PRKCB: variants seen among roughly 807,000 people sequenced by gnomAD.
PRKCB encodes the protein protein kinase C beta, also known as protein kinase C beta type.
A neutral mutation model predicts 81.5 loss-of-function variants in PRKCB; 13 were observed. The ratio of observed to expected loss-of-function variants is 0.16; its 90% confidence interval spans 0.10 to 0.25. The LOEUF is 0.25. Among genes scored for constraint, PRKCB ranks in the 10% least tolerant of loss-of-function variants. The pLI is 1.00. For missense variants in PRKCB, 509 were observed against 875.7 expected, an observed-to-expected ratio of 0.58 and a Z score of 5.29; for synonymous variants, 335 against 321.4, an observed-to-expected ratio of 1.04 and a Z score of -0.45.
chr16:23,990,714 A>AT (rs947696195), intron 3 of PRKCB, among the ~76,000 whole-genome samples: 3 of 151,870 alleles, frequency 2.0e-5, no homozygotes, highest in African/African-American at 7.3e-5. Flanking sequence ...CACCTGGCTA[A>AT]TTTTTTATTT....
intron 2 of PRKCB, among the ~76,000 whole-genome samples, chr16:23,958,947 T>C (rs1051701273): frequency 1.3e-5 from 2 of 152,140 alleles, no homozygotes; most frequent in Non-Finnish European, 2.9e-5. Context: ...CAAATCCTGG[T>C]TTTACACTTA....
rs1024340203 is a variant in PRKCB at position 23,976,131 on chromosome 16, A to AC, written c.206-12373dup. Among the ~76,000 whole-genome samples, 36 of 151,856 alleles carry AC rather than the reference A, an allele frequency of 2.4e-4. 2 individuals carry two copies. Among genetic ancestry groups the AC allele is most frequent in the Admixed American group, 6.6e-5 (1 of 15,230 alleles). On this transcript the variant is annotated intron_variant, in intron 2 of 16. Transcript: ENST00000643927. ...AAACCAGCCTGGTCAACCTAGTGAG[A>AC]CCCCATCTCTACAAAAGAAAAAAAA...
At chr16:24,197,642 A>C (rs1414261252) in intron 16 of PRKCB, among the ~76,000 whole-genome samples, 2 of 152,178 alleles carry the variant, frequency 1.3e-5, no homozygotes, top group Non-Finnish European at 2.9e-5. Flanking sequence ...CTGCAGGGAC[A>C]AGGGTGAAAT....
At chr16:24,021,024 CTTTCTTTCTTTCTTT>C (rs1965363619) in intron 3 of PRKCB, among the ~76,000 whole-genome samples, 1 of 140,108 alleles carries the variant, frequency 7.1e-6, no homozygotes, top group Non-Finnish European at 1.5e-5. Context: ...TTCTTTCTTT[CTTTCTTTCTTTCTTT>C]CTCTTTCTTT....
chr16:24,015,788 G>T (rs1367127361), intron 3 of PRKCB, among the ~76,000 whole-genome samples: 1 of 152,180 alleles, frequency 6.6e-6, no homozygotes, highest in Non-Finnish European at 1.5e-5. Flanking sequence ...GACTGACATA[G>T]GGAAGGTACT....
intron 8 of PRKCB, among the ~76,000 whole-genome samples, chr16:24,114,373 T>C (rs1966712955): frequency 6.6e-6 from 1 of 151,746 alleles, no homozygotes; most frequent in Non-Finnish European, 1.5e-5. Context: ...GACAGAATGA[T>C]GCTATATAGT....
chr16:24,210,592 G>C (rs1968124678), intron 16 of PRKCB, among the ~76,000 whole-genome samples: 2 of 151,248 alleles, frequency 1.3e-5, no homozygotes, highest in Non-Finnish European at 2.9e-5. Context: ...TCTGCCTCCT[G>C]GGCTCAAGTG....
intron 2 of PRKCB, among the ~76,000 whole-genome samples, chr16:23,848,688 A>G (rs981840239): frequency 2.0e-5 from 3 of 152,202 alleles, no homozygotes; most frequent in African/African-American, 7.2e-5. Context: ...TGTTTTGGAG[A>G]AAGAAAGGCT....
intron 2 of PRKCB, among the ~76,000 whole-genome samples, chr16:23,978,406 G>A (rs142625769): frequency 2.0e-5 from 3 of 152,290 alleles, no homozygotes; most frequent in East Asian, 1.9e-4. Context: ...GTGAACTGTC[G>A]TCTGTCCTGC....
At chr16:23,919,802 G>T (rs928184678) in intron 2 of PRKCB, among the ~76,000 whole-genome samples, 6 of 152,186 alleles carry the variant, frequency 3.9e-5, no homozygotes, top group Non-Finnish European at 8.8e-5. Context: ...ACGTTATCAA[G>T]GTTGATCCAC....
intron 5 of PRKCB, among the ~76,000 whole-genome samples, chr16:24,048,046 G>T (rs918901887): frequency 3.3e-5 from 5 of 152,340 alleles, no homozygotes; most frequent in Middle Eastern, 3.4e-3. Context: ...CCATCGTGGG[G>T]CACAAAAGCC....
intron 13 of PRKCB, among the ~76,000 whole-genome samples, chr16:24,183,297 G>T (rs1411917982): frequency 6.6e-6 from 1 of 152,120 alleles, no homozygotes; most frequent in African/African-American, 2.4e-5. Flanking sequence ...TGGCTAAGTT[G>T]AGTTAATTAA....
At chr16:24,213,012 AT>A (rs1567415020) in intron 16 of PRKCB, among the ~76,000 whole-genome samples, 1 of 126,066 alleles carries the variant, frequency 7.9e-6, no homozygotes, top group African/African-American at 2.7e-5. Flanking sequence ...TTGTATATTT[AT>A]TTATTTATTT....
chr16:24,189,891 G>A (rs1967763935), intron 15 of PRKCB, among the ~76,000 whole-genome samples: 1 of 152,134 alleles, frequency 6.6e-6, no homozygotes, highest in African/African-American at 2.4e-5. Context: ...TCAATGTGAT[G>A]TCAACTCTGG....
chr16:23,848,602 C>G (rs1962418166), intron 2 of PRKCB, among the ~76,000 whole-genome samples: 1 of 152,176 alleles, frequency 6.6e-6, no homozygotes, highest in Admixed American at 6.5e-5. Context: ...CTCCCACTCC[C>G]TCTCCCTCTC....
At chr16:23,889,710 A>G (rs972887163) in intron 2 of PRKCB, among the ~76,000 whole-genome samples, 4 of 152,236 alleles carry the variant, frequency 2.6e-5, no homozygotes, top group African/African-American at 7.2e-5. Context: ...TGCTCTATCA[A>G]CTTGCTCCTG....
intron 2 of PRKCB, among the ~76,000 whole-genome samples, chr16:23,976,411 A>G (rs1327388680): frequency 6.6e-6 from 1 of 152,142 alleles, no homozygotes; most frequent in African/African-American, 2.4e-5. Context: ...AATTCCAGCA[A>G]AAGTCCTGAA....
intron 2 of PRKCB, among the ~76,000 whole-genome samples, chr16:23,856,239 A>G (rs1358449142): frequency 1.3e-5 from 2 of 152,142 alleles, no homozygotes; most frequent in East Asian, 3.9e-4. Flanking sequence ...TATACCTCAC[A>G]TTACTTCTGT....
chr16:24,035,618 G>A (rs530670800), intron 5 of PRKCB, 71 bp downstream of exon 5: 42 of 1,494,262 alleles, frequency 2.8e-5, no homozygotes, highest in South Asian at 1.0e-4. Context: ...GGAGGGTGGC[G>A]GAGGGGTGGG....
Sources: allele counts gnomAD v4.1 joint callset (sites outside exome capture counted in the v4.1 genomes callset), GRCh38; gene constraint gnomAD v4.1.1; transcripts MANE v1.5; gene names NCBI Gene and HGNC (gene_info 2026-07-23, HGNC 2026-07-21).